The following PSD3 variants were observed in gnomAD, a reference collection of about 807,000 sequenced individuals.
PSD3 encodes PH and SEC7 domain-containing protein 3.
Under a neutral mutation model 105.5 loss-of-function variants are expected in PSD3, and 49 were observed. That is an observed-to-expected ratio of 0.46 (90% CI 0.37 to 0.59). PSD3 has a LOEUF of 0.59. Ranked by LOEUF, PSD3 falls within the 20% of genes least tolerant of loss-of-function variation. The probability of loss-of-function intolerance (pLI) is 0.00; values close to 1 mark genes in which losing one functional copy is unlikely to be tolerated. For missense variants in PSD3, 1,561 were observed against 1,263.8 expected, an observed-to-expected ratio of 1.24 and a Z score of -3.57; for synonymous variants, 557 against 457.8, an observed-to-expected ratio of 1.22 and a Z score of -2.77.
In PSD3 at chr8:18,871,722, G is replaced by A. The variant is rs1817361312; in HGVS notation, c.1142C>T (p.Pro381Leu). 4 of 1,614,158 alleles carry A rather than the reference G, an allele frequency of 2.5e-6. No homozygotes were observed. In the South Asian group the frequency reaches 3.3e-5, roughly 13 times the overall value. Reference sequence around the variant, plus strand: ...CTCTCCACTCTCATCAAGACGCACAGGGGAAAATGTCCCCGAGCTAGTGCC... The same window carrying A: ...CTCTCCACTCTCATCAAGACGCACAAGGGAAAATGTCCCCGAGCTAGTGCC... ...RPGTSSGTFS[P>L]VRLDESGEDE... The change falls in exon 3 of 16, where the codon CCT (proline) becomes CTT (leucine). Residue 381 changes from proline to leucine, a missense_variant. By Grantham distance (98) the Pro-to-Leu change is moderately conservative. Transcript: ENST00000327040.
At chr8:18,870,352 A>T (rs1283425340) in intron 3 of PSD3, among the ~76,000 whole-genome samples, 1 of 152,222 alleles carries the variant, frequency 6.6e-6, no homozygotes, top group South Asian at 2.1e-4. Context: ...AAGATGGGTC[A>T]CGTCTGCCAT....
chr8:18,825,570 T>A (rs1312309926), intron 4 of PSD3, among the ~76,000 whole-genome samples: 1 of 152,222 alleles, frequency 6.6e-6, no homozygotes, highest in African/African-American at 2.4e-5. Flanking sequence ...ACAAATTAAC[T>A]CAGAGGGTTT....
intron 11 of PSD3, among the ~76,000 whole-genome samples, chr8:18,615,676 C>G (rs910096368): frequency 6.6e-6 from 1 of 152,078 alleles, no homozygotes; most frequent in Non-Finnish European, 1.5e-5. Flanking sequence ...TTTTTACATA[C>G]CTTTTAAGAG....
intron 15 of PSD3, among the ~76,000 whole-genome samples, chr8:18,537,463 T>C (rs1350022220): frequency 6.6e-6 from 1 of 152,182 alleles, no homozygotes; most frequent in Non-Finnish European, 1.5e-5. Flanking sequence ...CAAAGGCCAT[T>C]CTCAACTCCT....
chr8:18,949,872 T>TTC (rs2129469980), intron 1 of PSD3, among the ~76,000 whole-genome samples: 1 of 151,968 alleles, frequency 6.6e-6, no homozygotes, highest in South Asian at 2.1e-4. Flanking sequence ...ATAAATTTTT[T>TTC]CATCATATTT....
intron 15 of PSD3, among the ~76,000 whole-genome samples, chr8:18,548,317 G>T (rs907748486): frequency 2.6e-5 from 4 of 152,058 alleles, no homozygotes; most frequent in African/African-American, 9.7e-5. Context: ...ACTCATAGAT[G>T]TCCATTTCTT....
intron 9 of PSD3, among the ~76,000 whole-genome samples, chr8:18,731,214 C>T (rs980921545): frequency 6.6e-6 from 1 of 152,148 alleles, no homozygotes; most frequent in Non-Finnish European, 1.5e-5. Context: ...AGAGATTGCA[C>T]CACTGCACTC....
In PSD3 at chr8:18,592,805, C is replaced by G. The variant is rs569559163; in HGVS notation, c.2481+7559G>C. Among the ~76,000 whole-genome samples, 17 of 152,238 alleles carry G rather than the reference C, an allele frequency of 1.1e-4. 1 individual carries two copies. In the East Asian group the frequency reaches 3.3e-3, roughly 29 times the overall value. ...GACCAATGGAACAGAACAGAGCCCT[C>G]AGAAATAACACCACCCATCTACAAC... On this transcript the variant is annotated intron_variant, in intron 12 of 15. Coordinates refer to ENST00000327040, the MANE Select transcript of PSD3 (RefSeq NM_015310.4).
intron 4 of PSD3, among the ~76,000 whole-genome samples, chr8:18,848,132 A>T (rs1377292004): frequency 2.6e-5 from 1 of 38,134 alleles, no homozygotes; most frequent in Non-Finnish European, 6.1e-5. Context: ...TTCGAGAGTT[A>T]AAAAAAAAAA....
chr8:18,656,777 G>A (rs140356048), intron 9 of PSD3, among the ~76,000 whole-genome samples: 2 of 151,896 alleles, frequency 1.3e-5, no homozygotes, highest in South Asian at 4.2e-4. Flanking sequence ...GACTATTCAT[G>A]ACCATGATAA....
chr8:18,749,919 G>A (rs576032938), intron 9 of PSD3, among the ~76,000 whole-genome samples: 2 of 152,256 alleles, frequency 1.3e-5, no homozygotes, highest in South Asian at 4.2e-4. Flanking sequence ...TGAACTTGAA[G>A]CAGATTCACC....
intron 4 of PSD3, among the ~76,000 whole-genome samples, chr8:18,840,179 G>A (rs1814498229): frequency 6.6e-6 from 1 of 152,282 alleles, no homozygotes; most frequent in East Asian, 1.9e-4. Flanking sequence ...AGAGTTTAAT[G>A]AGAACTACCA....
At chr8:18,699,239 A>T (rs74352229) in intron 9 of PSD3, among the ~76,000 whole-genome samples, 1 of 152,354 alleles carries the variant, frequency 6.6e-6, no homozygotes, top group Middle Eastern at 3.4e-3. Flanking sequence ...CCAAATACAG[A>T]AAAATTCATA....
chr8:18,636,217 T>A (rs1018109692), intron 10 of PSD3, among the ~76,000 whole-genome samples: 1 of 152,164 alleles, frequency 6.6e-6, no homozygotes, highest in African/African-American at 2.4e-5. Context: ...TCTAATTATT[T>A]TTATTATTTA....
intron 4 of PSD3, among the ~76,000 whole-genome samples, chr8:18,826,818 G>A (rs542220057): frequency 6.6e-6 from 1 of 152,300 alleles, no homozygotes; most frequent in African/African-American, 2.4e-5. Flanking sequence ...CAGAGGCAGT[G>A]TACTTTCTAC....
intron 10 of PSD3, among the ~76,000 whole-genome samples, chr8:18,648,427 T>C (rs547980878): frequency 5.3e-5 from 8 of 152,206 alleles, no homozygotes; most frequent in Admixed American, 1.3e-4. Flanking sequence ...CTGTGGAATT[T>C]TGAACTTGAG....
intron 9 of PSD3, among the ~76,000 whole-genome samples, chr8:18,679,238 G>A (rs931737219): frequency 6.6e-6 from 1 of 152,164 alleles, no homozygotes; most frequent in African/African-American, 2.4e-5. Flanking sequence ...ATTTCTTCAG[G>A]TTTCTTTGTG....
At chr8:18,952,069 A>G (rs1351638360) in intron 1 of PSD3, among the ~76,000 whole-genome samples, 1 of 152,200 alleles carries the variant, frequency 6.6e-6, no homozygotes, top group Non-Finnish European at 1.5e-5. Flanking sequence ...TTCAACAGAC[A>G]ATGCATGAAC....
intron 11 of PSD3, among the ~76,000 whole-genome samples, chr8:18,629,160 A>G (rs776631980): frequency 6.6e-6 from 1 of 152,010 alleles, no homozygotes; most frequent in Non-Finnish European, 1.5e-5. Flanking sequence ...ATATTAGACA[A>G]AGTAGACTCC....
Sources: gnomAD v4.1 joint callset for allele counts (sites outside exome capture counted in the v4.1 genomes callset) on GRCh38, gnomAD v4.1.1 for gene constraint, MANE v1.5 for transcripts, NCBI Gene and HGNC (gene_info 2026-07-23, HGNC 2026-07-21) for gene names.